Variants in TXNRD2 observed in about 807,000 individuals in gnomAD.
TXNRD2 encodes thioredoxin reductase 2.
Under a neutral mutation model 70.8 loss-of-function variants are expected in TXNRD2, and 67 were observed. The ratio of observed to expected loss-of-function variants is 0.95; its 90% CI spans 0.78 to 1.16. The LOEUF is 1.16. Among genes scored for constraint, TXNRD2 ranks in the 50% most tolerant of loss-of-function variants. The pLI is 0.00. For synonymous variants in TXNRD2, 301 were observed against 295.8 expected, an observed-to-expected ratio of 1.02 and a Z score of -0.18; for missense variants, 644 against 719.9, an observed-to-expected ratio of 0.89 and a Z score of 1.21.
chr22:19,880,877 C>A, intron 12 of TXNRD2, 160 bp from the exon 13 acceptor site: 1 of 624,462 alleles, frequency 1.6e-6, no homozygotes, highest in South Asian at 1.9e-5. Context: ...TAGAGCTCGT[C>A]CTCCTGAGGG....
chr22:19,909,705 CCA>C lies in TXNRD2; in HGVS notation c.662+1670_662+1671del, dbSNP rs546231532. On this transcript the variant is annotated intron_variant, in intron 8 of 17. Transcript: ENST00000400521. ...TACTCACACACACTGCTCACACACA[CCA>C]CACACACCACGCACACACACCACTC... 3.4e-3 allele frequency among the ~76,000 whole-genome samples: 454 copies of C among 134,272 alleles called. 1 individual carries two copies. The highest frequency in any genetic ancestry group is 6.0e-3 in the Non-Finnish European group (377 of 63,256). The allele number at this position is 134,272 out of a possible 152,430, so 88.1% of individuals were successfully genotyped here.
At chr22:19,929,249 C>A (rs1330568525) in intron 2 of TXNRD2, among the ~76,000 whole-genome samples, 1 of 151,430 alleles carries the variant, frequency 6.6e-6, no homozygotes, top group Admixed American at 6.6e-5. Flanking sequence ...ATGGCGTGAA[C>A]CCGGGAGGCA....
chr22:19,899,426 A>AG (rs1196154327), intron 8 of TXNRD2, among the ~76,000 whole-genome samples: 1 of 152,200 alleles, frequency 6.6e-6, no homozygotes, highest in Non-Finnish European at 1.5e-5. Context: ...GATGCTTGGC[A>AG]GGATGGGGAG....
At chr22:19,925,080 C>T (rs377533893) in intron 2 of TXNRD2, among the ~76,000 whole-genome samples, 17 of 150,978 alleles carry the variant, frequency 1.1e-4, no homozygotes, top group South Asian at 1.0e-3. Context: ...GTCAGGAGAT[C>T]GAGACCATCC....
At position 19,939,546 on chromosome 22, in the gene TXNRD2, T is replaced by TCACCTGG. The variant is rs1234983051; in HGVS notation, c.103+2148_103+2154dup. Among the ~76,000 whole-genome samples, 3 of 152,232 alleles carry TCACCTGG rather than the reference T, an allele frequency of 2.0e-5. No homozygotes were observed. In the East Asian group the frequency reaches 5.8e-4, roughly 29 times the overall value. The stretch of plus-strand genomic sequence containing the variant: ...CCTTTTCCTCCACTTATTCGACCTC[T>TCACCTGG]CACCTGGATGGATGCTCCTGCAGAA... On this transcript the variant is annotated intron_variant, in intron 1 of 17. Transcript: ENST00000400521.
intron 1 of TXNRD2, chr22:19,933,588 C>G (rs1941443203): frequency 1.8e-6 from 2 of 1,092,592 alleles, no homozygotes; most frequent in Non-Finnish European, 2.4e-6. Context: ...GCTTGCTCGC[C>G]CCCTGTGCAC....
intron 1 of TXNRD2, among the ~76,000 whole-genome samples, chr22:19,938,837 A>C (rs573356358): frequency 7.2e-5 from 11 of 152,348 alleles, no homozygotes; most frequent in African/African-American, 2.4e-4. Context: ...TCTTCAAGTT[A>C]CTGTAAAAGA....
intron 12 of TXNRD2, among the ~76,000 whole-genome samples, chr22:19,881,902 G>A (rs892636702): frequency 1.3e-5 from 2 of 152,214 alleles, no homozygotes; most frequent in African/African-American, 4.8e-5. Flanking sequence ...CAATCGGGTC[G>A]GCTAGATGGG....
intron 2 of TXNRD2, among the ~76,000 whole-genome samples, chr22:19,923,471 C>T (rs1940993508): frequency 6.6e-6 from 1 of 152,128 alleles, no homozygotes; most frequent in South Asian, 2.1e-4. Flanking sequence ...AACTCGGTCA[C>T]ATCAAACATC....
chr22:19,909,590 A>ACACACACACAC (rs1411775981), intron 8 of TXNRD2, among the ~76,000 whole-genome samples: 3 of 79,902 alleles, frequency 3.8e-5, no homozygotes, highest in Admixed American at 1.3e-4. Flanking sequence ...CACACACACC[A>ACACACACACAC]CACACACCAC....
Position 19,895,553 on chromosome 22 carries a change from A to C in TXNRD2, c.803T>G (p.Met268Arg). 6.2e-7 allele frequency: 1 copy of C among 1,612,914 alleles called. No individual in the cohort carries two copies. The highest frequency in any genetic ancestry group is 8.5e-7 in the Non-Finnish European group (1 of 1,180,038). ...QQMSSMVIEH[M>R]ASHGTRFLRG... is the part of the protein sequence containing the mutation. ...CAGGAACCGGGTGCCATGAGATGCC[A>C]TGTGCTCTATGACCATGGAGGACAT... The change falls in exon 11 of 18, where the codon ATG (methionine) becomes AGG (arginine). Residue 268 changes from methionine (M) to arginine (R), a missense_variant. Physicochemically the swap from Met to Arg is moderately conservative, Grantham distance 91. Transcript: ENST00000400521.
At chr22:19,897,917 G>T (rs1939583773) in intron 10 of TXNRD2, 122 bp downstream of exon 10, 3 of 767,950 alleles carry the variant, frequency 3.9e-6, no homozygotes, top group African/African-American at 3.5e-5. Flanking sequence ...CCAATTCAAG[G>T]GTTATCTCTA....
chr22:19,885,508 G>C (rs939034714), intron 11 of TXNRD2, among the ~76,000 whole-genome samples: 55 of 152,360 alleles, frequency 3.6e-4, no homozygotes, highest in African/African-American at 1.3e-3. Flanking sequence ...TTGGGTGCCG[G>C]GAGGGCTGGC....
chr22:19,917,737 G>A (rs924185308), intron 5 of TXNRD2, among the ~76,000 whole-genome samples: 1 of 152,198 alleles, frequency 6.6e-6, no homozygotes, highest in Non-Finnish European at 1.5e-5. Flanking sequence ...CCAAGGAGCT[G>A]GAGGTGTGCA....
chr22:19,924,181 A>G (rs897682460), intron 2 of TXNRD2, among the ~76,000 whole-genome samples: 1 of 151,822 alleles, frequency 6.6e-6, no homozygotes, highest in Non-Finnish European at 1.5e-5. Flanking sequence ...GTTTTGATGG[A>G]TTAGTGTATC....
intron 8 of TXNRD2, among the ~76,000 whole-genome samples, chr22:19,907,293 G>GCA (rs1940088921): frequency 2.2e-5 from 1 of 45,040 alleles, no homozygotes; most frequent in Non-Finnish European, 4.4e-5. Flanking sequence ...GAGGGTGTGG[G>GCA]CGCCGTGGAT....
rs145334963 is a variant in TXNRD2 at position 19,896,113 on chromosome 22, C to T, written c.775-532G>A. On this transcript the variant is annotated intron_variant, in intron 10 of 17. Transcript: ENST00000400521. ...GAGATAGAGATCATCCTGGCTAACACGGTGAAACACTGTCTCTACTAAAAA... is the reference window on the plus strand; with the variant it reads ...GAGATAGAGATCATCCTGGCTAACATGGTGAAACACTGTCTCTACTAAAAA... 6.0e-3 allele frequency among the ~76,000 whole-genome samples: 916 copies of T among 152,140 alleles called. 7 individuals are homozygous for T. The highest frequency in any genetic ancestry group is 0.021 in the African/African-American group (853 of 41,512).
At chr22:19,916,186 T>G in intron 5 of TXNRD2, 1 of 344,594 alleles carries the variant, frequency 2.9e-6, no homozygotes, top group Non-Finnish European at 5.6e-6. Flanking sequence ...CCCGGACATG[T>G]TCCAGCAGGG....
chr22:19,900,775 A>G (rs1368439898), intron 8 of TXNRD2, among the ~76,000 whole-genome samples: 2 of 151,836 alleles, frequency 1.3e-5, no homozygotes, highest in Non-Finnish European at 2.9e-5. Context: ...ATATGAAGTT[A>G]TGAGTTACTG....
Sources: gnomAD v4.1 joint callset for allele counts (sites outside exome capture counted in the v4.1 genomes callset) on GRCh38, gnomAD v4.1.1 for gene constraint, MANE v1.5 for transcripts, NCBI Gene and HGNC (gene_info 2026-07-23, HGNC 2026-07-21) for gene names.